The following DISC1 variants were observed in gnomAD, a reference collection of about 807,000 sequenced individuals.
The protein encoded by DISC1 is disrupted in schizophrenia 1 protein.
In DISC1, 57 loss-of-function variants were observed where a neutral mutation model predicts 84.5. The ratio of observed to expected loss-of-function variants is 0.67; its 90% CI spans 0.55 to 0.84. The LOEUF is 0.84. Among genes scored for constraint, DISC1 ranks in the 40% least tolerant of loss-of-function variants. The probability of loss-of-function intolerance (pLI) is 0.00; values close to 1 mark genes in which losing one functional copy is unlikely to be tolerated. For synonymous variants in DISC1, 411 were observed against 415.2 expected, an observed-to-expected ratio of 0.99 and a Z score of 0.12; for missense variants, 1,000 against 1,057.8, an observed-to-expected ratio of 0.95 and a Z score of 0.76.
intron 3 of DISC1, among the ~76,000 whole-genome samples, chr1:231,727,884 C>T (rs531299743): frequency 4.6e-5 from 7 of 150,954 alleles, no homozygotes; most frequent in South Asian, 2.1e-4. Context: ...CCCAGGAGTT[C>T]GGGGCTGCAG....
Position 231,687,969 on chromosome 1 carries a change from TA to T in DISC1, c.68-5846del, listed in dbSNP as rs969457942. 5.4e-3 allele frequency among the ~76,000 whole-genome samples: 787 copies of T among 145,092 alleles called. 5 individuals carry two copies. Among genetic ancestry groups the T allele is most frequent in the African/African-American group, 0.018 (725 of 39,598 alleles). ...ATATGTTACCACAATTAAAGAAAAG[TA>T]AAAAAAAAAATCATAGGGAAAATTC... is the stretch of plus-strand genomic sequence containing the variant. On this transcript the variant is annotated intron_variant, in intron 1 of 12. Coordinates refer to ENST00000439617, the MANE Select transcript of DISC1 (RefSeq NM_018662.3).
intron 1 of DISC1, among the ~76,000 whole-genome samples, chr1:231,650,865 G>A (rs1284857969): frequency 1.3e-5 from 2 of 152,080 alleles, no homozygotes; most frequent in African/African-American, 4.8e-5. Context: ...AGCTATTGAA[G>A]CTTGTGCATG....
At chr1:231,947,025 A>T (rs1177073823) in intron 9 of DISC1, among the ~76,000 whole-genome samples, 1 of 152,200 alleles carries the variant, frequency 6.6e-6, no homozygotes, top group East Asian at 1.9e-4. Flanking sequence ...AAGTCACCAT[A>T]CTGCCCAAAG....
At chr1:231,721,410 G>C (rs775372616) in intron 3 of DISC1, among the ~76,000 whole-genome samples, 5 of 152,184 alleles carry the variant, frequency 3.3e-5, no homozygotes, top group Non-Finnish European at 7.3e-5. Context: ...TGAGGATTTG[G>C]CTTCATGCTC....
intron 11 of DISC1, among the ~76,000 whole-genome samples, chr1:232,012,455 G>A (rs1003697002): frequency 5.9e-5 from 9 of 152,174 alleles, no homozygotes; most frequent in Non-Finnish European, 1.0e-4. Context: ...TTTTCCGGGA[G>A]CCATTGAAGT....
intron 9 of DISC1, among the ~76,000 whole-genome samples, chr1:231,822,447 G>A (rs1395204606): frequency 6.6e-6 from 1 of 152,180 alleles, no homozygotes; most frequent in Non-Finnish European, 1.5e-5. Context: ...GTGAGTAAGA[G>A]GGGAATGGGA....
At chr1:231,909,997 G>A (rs941922288) in intron 9 of DISC1, among the ~76,000 whole-genome samples, 2 of 152,192 alleles carry the variant, frequency 1.3e-5, no homozygotes, top group African/African-American at 4.8e-5. Context: ...ATGGTAGTCT[G>A]TATTTCTGTG....
Position 231,760,667 on chromosome 1 carries a change from T to A in DISC1, c.1269-6473T>A, listed in dbSNP as rs192370279. On this transcript the variant is annotated intron_variant, in intron 4 of 12. Transcript: ENST00000439617. ...AGGGGTCTCAGAGAAGGACCTCCTG[T>A]GTTACATGTGAAGATGCGTAAACCA... Among the ~76,000 whole-genome samples, 10 of 152,310 alleles carry A rather than the reference T, an allele frequency of 6.6e-5. No homozygotes were observed. The East Asian group carries it at 1.9e-3, about 29-fold the overall frequency.
At chr1:231,629,804 A>T (rs1310747144) in intron 1 of DISC1, among the ~76,000 whole-genome samples, 2 of 152,228 alleles carry the variant, frequency 1.3e-5, no homozygotes, top group Non-Finnish European at 2.9e-5. Flanking sequence ...TTCTTTTTTT[A>T]AAATCTAAAA....
intron 7 of DISC1, among the ~76,000 whole-genome samples, chr1:231,799,000 TC>T (rs2078983972): frequency 6.6e-6 from 1 of 152,138 alleles, no homozygotes; most frequent in Admixed American, 6.6e-5. Flanking sequence ...AGCTCATTAA[TC>T]TGAGTCTAGA....
At chr1:231,814,526 C>T (rs1263928320) in intron 8 of DISC1, among the ~76,000 whole-genome samples, 1 of 152,110 alleles carries the variant, frequency 6.6e-6, no homozygotes, top group Non-Finnish European at 1.5e-5. Context: ...TCCTTGGCAT[C>T]TTCTTCTTCA....
intron 9 of DISC1, among the ~76,000 whole-genome samples, chr1:231,888,946 C>A (rs1348766653): frequency 6.6e-6 from 1 of 151,960 alleles, no homozygotes; most frequent in Non-Finnish European, 1.5e-5. Context: ...GTCCTGTAGC[C>A]CCACATCTCC....
chr1:231,725,415 CCCATGACAGCTTACAAATG>C (rs2070503458), intron 3 of DISC1, among the ~76,000 whole-genome samples: 1 of 152,200 alleles, frequency 6.6e-6, no homozygotes, highest in Non-Finnish European at 1.5e-5. Flanking sequence ...TCCCACCAGC[CCCATGACAGCTTACAAATG>C]CCATGGCAAC....
At chr1:231,873,540 T>A (rs1045657931) in intron 9 of DISC1, among the ~76,000 whole-genome samples, 12 of 152,202 alleles carry the variant, frequency 7.9e-5, no homozygotes, top group Non-Finnish European at 1.2e-4. Flanking sequence ...AATCTGGTGG[T>A]GCACTCACAG....
chr1:231,945,420 C>A (rs934272379), intron 9 of DISC1, among the ~76,000 whole-genome samples: 19 of 152,084 alleles, frequency 1.2e-4, no homozygotes, highest in African/African-American at 4.6e-4. Context: ...CCAATGAGAA[C>A]AAAGACACAA....
intron 1 of DISC1, among the ~76,000 whole-genome samples, chr1:231,637,029 C>CACT (rs1419333504): frequency 3.3e-5 from 5 of 152,126 alleles, no homozygotes; most frequent in Non-Finnish European, 7.3e-5. Context: ...TGTTCAATTC[C>CACT]CACTTATGAG....
intron 9 of DISC1, chr1:231,855,272 CT>C: frequency 1.6e-5 from 15 of 956,238 alleles, no homozygotes; most frequent in Non-Finnish European, 1.9e-5. Context: ...TCATAAATAA[CT>C]TTCTATATAA....
intron 9 of DISC1, among the ~76,000 whole-genome samples, chr1:231,886,788 T>TTTCTTTCC (rs1491501540): frequency 1.1e-4 from 16 of 139,284 alleles, no homozygotes; most frequent in Admixed American, 3.6e-4. Flanking sequence ...TCTTTCTTTC[T>TTTCTTTCC]TTCTTTCTTT....
intron 6 of DISC1, among the ~76,000 whole-genome samples, chr1:231,794,039 C>T (rs2078556920): frequency 6.6e-6 from 1 of 152,162 alleles, no homozygotes; most frequent in South Asian, 2.1e-4. Flanking sequence ...CCCCCAAGGC[C>T]TCCCAAAGTG....
Sources: gnomAD v4.1 joint callset for allele counts (sites outside exome capture counted in the v4.1 genomes callset) on GRCh38, gnomAD v4.1.1 for gene constraint, MANE v1.5 for transcripts, NCBI Gene and HGNC (gene_info 2026-07-23, HGNC 2026-07-21) for gene names.